Variants in CPS1 observed in about 807,000 individuals in gnomAD.
CPS1 encodes the protein carbamoyl-phosphate synthase 1.
In CPS1, 109 loss-of-function variants were observed where a neutral mutation model predicts 174.6. The observed-to-expected ratio is 0.62, with a 90% CI of 0.53 to 0.73. The LOEUF is 0.73. Among genes scored for constraint, CPS1 ranks in the 30% least tolerant of loss-of-function variants. CPS1 has a pLI of 0.00. For synonymous variants in CPS1, 637 were observed against 632.0 expected (o/e 1.01, Z -0.12); for missense variants, 1,689 against 1,821.9 (o/e 0.93, Z 1.33).
chr2:210,678,024 A>AG lies in CPS1; in HGVS notation c.*40dup. 1 of 1,433,580 alleles carries AG rather than the reference A, an allele frequency of 7.0e-7. No individual in the cohort carries two copies. Among genetic ancestry groups the AG allele is most frequent in the African/African-American group, 1.4e-5 (1 of 71,422 alleles). 88.8% of individuals were successfully genotyped at this position (1,433,580 alleles called of 1,614,324 possible). A position where few individuals can be genotyped will look rare whatever the true frequency, so the allele number is the denominator to read the frequency against. ...CCAGCCCCATTATTAAATCAACCTG[A>AG]GCCACATGTTATCTAAAGGAACTGA... On this transcript the variant is annotated 3_prime_UTR_variant, in exon 38 of 38. Transcript: ENST00000233072.
chr2:210,477,759 G>A (rs762495642), exon 1 of CPS1: 1 of 1,613,426 alleles, frequency 6.2e-7, no homozygotes, highest in South Asian at 1.1e-5. Context: ...ATTTAGCCGA[G>A]GCCCATGGTG....
In CPS1 at chr2:210,654,308, A is replaced by C. The variant is rs148794069; in HGVS notation, c.3558+206A>C. ...TATTTCCTATGTTTCATACTGTTAG[A>C]ATTTCTCTGATGATATTCAAAAGTA... On this transcript the variant is annotated intron_variant, in intron 29 of 37. Transcript: ENST00000233072. Among the ~76,000 whole-genome samples, 2,127 of 152,220 alleles carry C rather than the reference A, an allele frequency of 0.014. 51 individuals carry two copies. Among genetic ancestry groups the C allele is most frequent in the African/African-American group, 0.048 (2,008 of 41,530 alleles).
intron 1 of CPS1, among the ~76,000 whole-genome samples, chr2:210,505,739 G>T (rs1695262025): frequency 1.3e-5 from 2 of 152,320 alleles, no homozygotes; most frequent in Non-Finnish European, 1.5e-5. Context: ...CCAGGAGATT[G>T]TATCCCACAC....
At chr2:210,662,241 C>A (rs1042906142) in intron 32 of CPS1, among the ~76,000 whole-genome samples, 2 of 152,036 alleles carry the variant, frequency 1.3e-5, no homozygotes, top group Admixed American at 1.3e-4. Context: ...CTTACTCATT[C>A]CCTAGTTAGC....
chr2:210,508,622 A>G (rs1322908048), intron 1 of CPS1, among the ~76,000 whole-genome samples: 2 of 152,240 alleles, frequency 1.3e-5, no homozygotes, highest in African/African-American at 2.4e-5. Flanking sequence ...CAAAATTGAT[A>G]GACCACTAGC....
chr2:210,572,571 G>A (rs559273467), intron 1 of CPS1, among the ~76,000 whole-genome samples: 14 of 152,062 alleles, frequency 9.2e-5, no homozygotes, highest in Admixed American at 9.2e-4. Flanking sequence ...CTAAGAATTT[G>A]GTAGACACTG....
At chr2:210,503,439 A>G (rs1695199767) in intron 1 of CPS1, among the ~76,000 whole-genome samples, 1 of 152,098 alleles carries the variant, frequency 6.6e-6, no homozygotes, top group Non-Finnish European at 1.5e-5. Flanking sequence ...CATAAATATT[A>G]GTTCACATTT....
chr2:210,499,500 G>T (rs768540639), intron 1 of CPS1, among the ~76,000 whole-genome samples: 1 of 152,134 alleles, frequency 6.6e-6, no homozygotes, highest in African/African-American at 2.4e-5. Context: ...CAGAGCAAGC[G>T]CTCCAATCTC....
chr2:210,579,127 A>T (rs988391334), intron 4 of CPS1, among the ~76,000 whole-genome samples: 8 of 152,138 alleles, frequency 5.3e-5, no homozygotes, highest in East Asian at 1.9e-4. Context: ...ACCTCTTTTT[A>T]AAAAAATCTT....
At chr2:210,590,448 TG>T (rs1698255942) in intron 8 of CPS1, among the ~76,000 whole-genome samples, 1 of 152,026 alleles carries the variant, frequency 6.6e-6, no homozygotes, top group African/African-American at 2.4e-5. Context: ...CAAAGTAACT[TG>T]GGGATCATGT....
chr2:210,668,086 G>GTA lies in CPS1; in HGVS notation c.4003-99_4003-98insAT. On this transcript the variant is annotated intron_variant, in intron 33 of 37. Coordinates refer to ENST00000233072, the MANE Select transcript of CPS1 (RefSeq NM_001875.5). ...TCCATTTGTGCGTGCATGTGTGTGT[G>GTA]TGTGTGTGTGTGTGTGTGTATTTTA... is the stretch of plus-strand genomic sequence containing the variant. 6.7e-6 allele frequency: 5 copies of GTA among 742,416 alleles called. No individual in the cohort carries two copies. In the South Asian group the frequency reaches 7.3e-5, roughly 11 times the overall value. 46.0% of individuals were successfully genotyped at this position (742,416 alleles called of 1,614,324 possible). A position where few individuals can be genotyped will look rare whatever the true frequency, so the allele number is the denominator to read the frequency against.
At chr2:210,655,412 C>G (rs944192093) in intron 29 of CPS1, among the ~76,000 whole-genome samples, 1 of 152,042 alleles carries the variant, frequency 6.6e-6, no homozygotes, top group Non-Finnish European at 1.5e-5. Flanking sequence ...TCCTGTACTC[C>G]CTCTTTTGGA....
rs995082951 is a variant in CPS1 at position 210,503,848 on chromosome 2, G to T, written c.3+26082G>T. Among the ~76,000 whole-genome samples, 9 of 151,640 alleles carry T rather than the reference G, an allele frequency of 5.9e-5. 1 individual carries two copies. The highest frequency in any genetic ancestry group is 8.9e-5 in the Non-Finnish European group (6 of 67,618). On this transcript the variant is annotated intron_variant, in intron 1 of 38. Transcript: ENST00000430249. ...CAGTCAAAATCCTTTCCTCTTTACA[G>T]CACAATTCGGGTGACGGCCAAAGCT...
At chr2:210,489,474 G>A (rs6725770) in intron 1 of CPS1, among the ~76,000 whole-genome samples, 31,143 of 152,070 alleles carry the variant, frequency 0.2, 3,729 homozygotes, top group Middle Eastern at 0.34. Flanking sequence ...ACCTTACTCT[G>A]ATAGACTGAC....
At chr2:210,570,365 C>T (rs1285258036) in intron 1 of CPS1, among the ~76,000 whole-genome samples, 1 of 151,894 alleles carries the variant, frequency 6.6e-6, no homozygotes, top group Non-Finnish European at 1.5e-5. Context: ...AAACTAGTTT[C>T]ATGAAGGGAG....
At chr2:210,540,035 G>A (rs1393037071) in intron 1 of CPS1, among the ~76,000 whole-genome samples, 1 of 152,188 alleles carries the variant, frequency 6.6e-6, no homozygotes, top group East Asian at 1.9e-4. Context: ...GGACGCTGAT[G>A]TGACGTCTGT....
At chr2:210,526,257 A>G (rs1219277023) in intron 1 of CPS1, among the ~76,000 whole-genome samples, 1 of 151,896 alleles carries the variant, frequency 6.6e-6, no homozygotes, top group Non-Finnish European at 1.5e-5. Flanking sequence ...GGGGAGGGAT[A>G]GCATTAGGAG....
At position 210,675,851 on chromosome 2, in the gene CPS1, G is replaced by C; in HGVS notation, c.4274+11G>C. The stretch of plus-strand genomic sequence containing the variant: ...CTCTTCCATCAGAAAGTAAGAACTA[G>C]GCATACTGTTTTCTGAAATAATTTA... On this transcript the variant is annotated intron_variant, in intron 36 of 37. Coordinates refer to ENST00000233072, the MANE Select transcript of CPS1 (RefSeq NM_001875.5). 1 of 1,171,876 alleles carries C rather than the reference G, an allele frequency of 8.5e-7. No homozygotes were observed. The highest frequency in any genetic ancestry group is 1.9e-4 in the Middle Eastern group (1 of 5,198). The allele number at this position is 1,171,876 out of a possible 1,614,324, so 72.6% of individuals were successfully genotyped here.
intron 1 of CPS1, among the ~76,000 whole-genome samples, chr2:210,504,349 T>C (rs1281997721): frequency 7.9e-5 from 12 of 152,192 alleles, no homozygotes; most frequent in Admixed American, 7.2e-4. Context: ...AAGAAAAAAG[T>C]CTTTTTTAAA....
Sources: allele counts gnomAD v4.1 joint callset (sites outside exome capture counted in the v4.1 genomes callset), GRCh38; gene constraint gnomAD v4.1.1; transcripts MANE v1.5; gene names NCBI Gene and HGNC (gene_info 2026-07-23, HGNC 2026-07-21).